GPBP1: variants seen among roughly 807,000 people sequenced by gnomAD.
The protein encoded by GPBP1 is vasculin.
In GPBP1, 13 loss-of-function variants were observed where a neutral mutation model predicts 56.5. The observed-to-expected ratio is 0.23, with a 90% CI of 0.15 to 0.37. GPBP1 has a LOEUF of 0.37. GPBP1 is among the 10% of genes least tolerant of loss of function. The probability of loss-of-function intolerance (pLI) is 1.00; values close to 1 mark genes in which losing one functional copy is unlikely to be tolerated. For synonymous variants in GPBP1, 204 were observed against 188.9 expected (o/e 1.08, Z -0.66); for missense variants, 477 against 572.3 (o/e 0.83, Z 1.70).
chr5:57,182,040 C>T (rs1255625071), intron 2 of GPBP1, among the ~76,000 whole-genome samples: 2 of 152,212 alleles, frequency 1.3e-5, no homozygotes, highest in East Asian at 3.9e-4. Context: ...TTGTTCACAG[C>T]TTGGTGGGTG....
chr5:57,235,980 T>G lies in GPBP1; in HGVS notation c.426T>G (p.Pro142=), dbSNP rs1756644987. ...FEAEDFPSLN[P]EYEREPNHNK... ...CTTTCTTCCAGCCGTCTTTAAATCC[T>G]GAGTATGAGAGAGAACCAAATCACA... The change falls in exon 6 of 12, where the codon CCT becomes CCG. Residue 142 remains proline (P), a synonymous_variant. Transcript: ENST00000506184. 2 of 1,610,332 alleles carry G rather than the reference T, an allele frequency of 1.2e-6. No homozygotes were observed. Among genetic ancestry groups the G allele is most frequent in the Non-Finnish European group, 1.7e-6 (2 of 1,177,082 alleles).
At chr5:57,235,866 G>A in intron 5 of GPBP1, 100 bp from the exon 6 acceptor site, 3 of 840,202 alleles carry the variant, frequency 3.6e-6, no homozygotes, top group Admixed American at 4.1e-5. Flanking sequence ...GCTAAGAGTT[G>A]GTCATATTTG....
intron 3 of GPBP1, among the ~76,000 whole-genome samples, chr5:57,222,736 A>G (rs1273991952): frequency 2.0e-5 from 3 of 152,190 alleles, no homozygotes; most frequent in Non-Finnish European, 4.4e-5. Context: ...CTGAATCAGA[A>G]GGTTTGTACA....
At chr5:57,195,498 A>G (rs1427577754) in intron 2 of GPBP1, among the ~76,000 whole-genome samples, 3 of 152,150 alleles carry the variant, frequency 2.0e-5, no homozygotes, top group Non-Finnish European at 4.4e-5. Flanking sequence ...GAAGTTGATT[A>G]GCCTGGGACA....
rs70999063 is a variant in GPBP1, at chr5:57,200,360, A to ATT, written c.-57-13690_-57-13689dup. Among the ~76,000 whole-genome samples the ATT allele has an allele frequency of 7.2e-3, 500 of 69,778 alleles. 2 individuals carry two copies. The highest frequency in any genetic ancestry group is 0.011 in the East Asian group (29 of 2,718). 45.8% of individuals were successfully genotyped at this position (69,778 alleles called of 152,430 possible). Reference sequence around the variant, plus strand: ...TTGTGTCTTGAGTAAATAAGTTTGAATTTTTTTTTTTTTTTTTTTTTTTTT... The same window carrying ATT: ...TTGTGTCTTGAGTAAATAAGTTTGAATTTTTTTTTTTTTTTTTTTTTTTTTTT... On this transcript the variant is annotated intron_variant, in intron 2 of 11. Transcript: ENST00000506184.
chr5:57,210,433 A>G (rs1468867041), intron 2 of GPBP1, among the ~76,000 whole-genome samples: 1 of 152,174 alleles, frequency 6.6e-6, no homozygotes, highest in Admixed American at 6.5e-5. Context: ...TCTTAAAAAA[A>G]ATTTTTTTAA....
At chr5:57,219,208 T>A (rs949021747) in intron 3 of GPBP1, among the ~76,000 whole-genome samples, 1 of 151,216 alleles carries the variant, frequency 6.6e-6, no homozygotes, top group African/African-American at 2.4e-5. Flanking sequence ...AAACCCCGTT[T>A]CTACTAAAAA....
chr5:57,177,891 C>G (rs1484368205), intron 2 of GPBP1, among the ~76,000 whole-genome samples: 1 of 151,634 alleles, frequency 6.6e-6, no homozygotes, highest in African/African-American at 2.4e-5. Context: ...TTTGCTTAAA[C>G]TGTTGAATCC....
At chr5:57,187,699 T>C (rs1389481150) in intron 2 of GPBP1, among the ~76,000 whole-genome samples, 3 of 152,120 alleles carry the variant, frequency 2.0e-5, no homozygotes, top group Non-Finnish European at 4.4e-5. Context: ...GTTGTTGTTA[T>C]TAAAGTCAAG....
intron 3 of GPBP1, among the ~76,000 whole-genome samples, chr5:57,229,127 A>T (rs1249627639): frequency 2.0e-5 from 3 of 150,800 alleles, no homozygotes; most frequent in Non-Finnish European, 4.4e-5. Flanking sequence ...GCTGCTCACG[A>T]GGCTGAGGCA....
At chr5:57,214,014 A>G in intron 2 of GPBP1, 60 bp from the exon 3 acceptor site, 1 of 736,554 alleles carries the variant, frequency 1.4e-6, no homozygotes, top group Non-Finnish European at 2.4e-6. Context: ...ATTGTAATAT[A>G]AAGGCGCTAA....
intron 3 of GPBP1, among the ~76,000 whole-genome samples, chr5:57,215,927 G>C (rs1237252685): frequency 6.6e-6 from 1 of 151,584 alleles, no homozygotes; most frequent in Non-Finnish European, 1.5e-5. Context: ...TGAGAGGGCT[G>C]TTAGTGTTTG....
chr5:57,200,621 C>A (rs559488944), intron 2 of GPBP1, among the ~76,000 whole-genome samples: 1 of 151,926 alleles, frequency 6.6e-6, no homozygotes, highest in African/African-American at 2.4e-5. Context: ...CCCGCCTCGG[C>A]CTCCCAAAAT....
chr5:57,223,119 GA>G (rs1756023646), intron 3 of GPBP1, among the ~76,000 whole-genome samples: 2 of 146,952 alleles, frequency 1.4e-5, no homozygotes, highest in Non-Finnish European at 3.0e-5. Flanking sequence ...CAGCTTGTTT[GA>G]TATTTTAAAA....
rs1162395884 is a variant in GPBP1, at chr5:57,264,547, T to C, written c.*1795T>C. On this transcript the variant is annotated 3_prime_UTR_variant, in exon 12 of 12. Coordinates refer to ENST00000506184, the MANE Select transcript of GPBP1 (RefSeq NM_022913.4). Reference sequence around the variant, plus strand: ...CTGTAGTTTTGGTTTTTGGCATCTTTCTTATACTCAGTTTTTTCTGCCTTA... The same window carrying C: ...CTGTAGTTTTGGTTTTTGGCATCTTCCTTATACTCAGTTTTTTCTGCCTTA... 6.6e-6 allele frequency: 1 copy of C among 152,212 alleles called. No individual in the cohort carries two copies. The highest frequency in any genetic ancestry group is 1.5e-5 in the Non-Finnish European group (1 of 68,014). 9.4% of individuals were successfully genotyped at this position (152,212 alleles called of 1,614,324 possible).
chr5:57,204,329 A>C (rs917975006), intron 2 of GPBP1, among the ~76,000 whole-genome samples: 18 of 151,752 alleles, frequency 1.2e-4, no homozygotes, highest in Admixed American at 6.6e-5. Context: ...GGCTTACTAC[A>C]ACCTCCACCT....
At chr5:57,217,594 A>G (rs1175982930) in intron 3 of GPBP1, among the ~76,000 whole-genome samples, 2 of 152,100 alleles carry the variant, frequency 1.3e-5, no homozygotes, top group Non-Finnish European at 2.9e-5. Flanking sequence ...CAAAAAACAC[A>G]AAAAAACACA....
intron 2 of GPBP1, among the ~76,000 whole-genome samples, chr5:57,213,763 A>G (rs1755590715): frequency 6.6e-6 from 1 of 152,210 alleles, no homozygotes; most frequent in East Asian, 1.9e-4. Context: ...ACTTTTTAAT[A>G]AAAGCTATAC....
Position 57,252,918 on chromosome 5 carries a change from A to G in GPBP1, c.1160+1777A>G, listed in dbSNP as rs535847826. 3.0e-3 allele frequency among the ~76,000 whole-genome samples: 453 copies of G among 152,118 alleles called. 4 individuals are homozygous for G. Among genetic ancestry groups the G allele is most frequent in the Middle Eastern group, 0.01 (3 of 294 alleles). On this transcript the variant is annotated intron_variant, in intron 10 of 11. Coordinates refer to ENST00000506184, the MANE Select transcript of GPBP1 (RefSeq NM_022913.4). The stretch of plus-strand genomic sequence containing the variant: ...GAGATGGGATTTCATCATGTTGGCC[A>G]GGCTGTTCTCGAATTCCTGACCTCA...
Sources: allele counts gnomAD v4.1 joint callset (sites outside exome capture counted in the v4.1 genomes callset), GRCh38; gene constraint gnomAD v4.1.1; transcripts MANE v1.5; gene names NCBI Gene and HGNC (gene_info 2026-07-23, HGNC 2026-07-21).